ARMCX2: variants seen among roughly 807,000 people sequenced by gnomAD.
ARMCX2 encodes armadillo repeat-containing X-linked protein 2.
In ARMCX2, 2 loss-of-function variants were observed where a neutral mutation model predicts 17.0. That is an observed-to-expected ratio of 0.12 (90% CI 0.05 to 0.37). ARMCX2 has a LOEUF of 0.37. ARMCX2 is among the 10% of genes least tolerant of loss of function. ARMCX2 has a pLI of 1.00. For synonymous variants in ARMCX2, 182 were observed against 195.2 expected (o/e 0.93, Z 0.57); for missense variants, 408 against 497.7 (o/e 0.82, Z 1.72).
At position 101,657,645 on chromosome X, in the gene ARMCX2, A is replaced by C; in HGVS notation, c.-57T>G. ...CGTGGAACTGGATTGCTTAAGGTTA[A>C]GGGATGCCTGCTCGTCCGGGTGAGG... is the stretch of plus-strand genomic sequence containing the variant. On this transcript the variant is annotated 5_prime_UTR_variant, in exon 6 of 6. Transcript: ENST00000356824. 9.0e-7 allele frequency: 1 copy of C among 1,106,137 alleles called. No homozygotes were observed. Among genetic ancestry groups the C allele is most frequent in the Non-Finnish European group, 1.2e-6 (1 of 815,817 alleles). 91.2% of individuals were successfully genotyped at this position (1,106,137 alleles called of 1,213,427 possible).
intron 5 of ARMCX2, 155 bp from the exon 6 acceptor site, chrX:101,657,870 A>G: frequency 3.3e-6 from 1 of 305,505 alleles, no homozygotes; most frequent in Non-Finnish European, 5.8e-6. Context: ...TCACAGACCT[A>G]GTTTAACGTT....
rs1556072812 is a variant in ARMCX2 at position 101,657,620 on chromosome X, C to T, written c.-32G>A. ...GCTGGGGTTATTCACTGATCCAGGG[C>T]GTGGAACTGGATTGCTTAAGGTTAA... On this transcript the variant is annotated 5_prime_UTR_variant, in exon 6 of 6. Coordinates refer to ENST00000356824, the MANE Select transcript of ARMCX2 (RefSeq NM_177949.4). 2.6e-6 allele frequency: 3 copies of T among 1,174,500 alleles called. No homozygotes were observed. The highest frequency in any genetic ancestry group is 1.9e-5 in the South Asian group (1 of 52,727).
Position 101,656,683 on chromosome X carries a change from A to C in ARMCX2, c.906T>G (p.Val302=). The stretch of plus-strand genomic sequence containing the variant: ...AGCCCATCCCCAGTTCGTCTACTTC[A>C]ACTTTGCTTTTCTTGCCCTTGCCCT... The part of the protein sequence containing the change: ...GGKGKGKKSK[V]EVDELGMGFR... Residue 302 remains valine, a synonymous_variant, in exon 6 of 6, where the codon GTT becomes GTG. Coordinates refer to ENST00000356824, the MANE Select transcript of ARMCX2 (RefSeq NM_177949.4). 1 of 1,210,572 alleles carries C rather than the reference A, an allele frequency of 8.3e-7. No homozygotes were observed. The highest frequency in any genetic ancestry group is 1.8e-5 in the South Asian group (1 of 56,901).
rs1936403367 is a variant in ARMCX2 at position 101,658,081 on chromosome X, A to G, written c.-136T>C. 1 of 115,627 alleles carries G rather than the reference A, an allele frequency of 8.6e-6. No homozygotes were observed. Among genetic ancestry groups the G allele is most frequent in the Non-Finnish European group, 1.8e-5 (1 of 55,915 alleles). 9.5% of individuals were successfully genotyped at this position (115,627 alleles called of 1,213,427 possible). On this transcript the variant is annotated 5_prime_UTR_variant, in exon 5 of 6. Transcript: ENST00000356824. Reference sequence around the variant, plus strand: ...CTCATGCACATACCAACCTGGGATCAAGAGCAGTTTGCTTTTTTCCACTGT... The same window carrying G: ...CTCATGCACATACCAACCTGGGATCGAGAGCAGTTTGCTTTTTTCCACTGT...
In ARMCX2 at chrX:101,657,728, G is replaced by C; in HGVS notation, c.-127-13C>G. 1 of 588,299 alleles carries C rather than the reference G, an allele frequency of 1.7e-6. No individual in the cohort carries two copies. The highest frequency in any genetic ancestry group is 2.7e-6 in the Non-Finnish European group (1 of 371,674). The allele number at this position is 588,299 out of a possible 1,213,427, so 48.5% of individuals were successfully genotyped here. On this transcript the variant is annotated splice_polypyrimidine_tract_variant and intron_variant, in intron 5 of 5. Transcript: ENST00000356824. ...GCTTAGGCAGGGCCTAGGGGTAAAG[G>C]ATAAAAATGAGGCTTAGGGCTCTGG...
At chrX:101,658,919 C>A (rs1326946253) in intron 3 of ARMCX2, among the ~76,000 whole-genome samples, 157 bp downstream of exon 3, 2 of 111,447 alleles carry the variant, frequency 1.8e-5, no homozygotes, top group African/African-American at 6.5e-5. Flanking sequence ...CTTTCGCTCC[C>A]CAGCCCCTAG....
In ARMCX2 at chrX:101,656,738, T is replaced by C. The variant is rs1556058179; in HGVS notation, c.851A>G (p.Lys284Arg). The change falls in exon 6 of 6, where the codon AAG becomes AGG. Residue 284 changes from lysine (K) to arginine (R), a missense_variant. Physicochemically the swap from Lys to Arg is conservative, Grantham distance 26 (BLOSUM62 2). Transcript: ENST00000356824. Reference protein sequence around the residue: ...ATGAVPKGGGKGVTRSRNGGK... With the variant: ...ATGAVPKGGGRGVTRSRNGGK... ...CCCATTCCGGGACCTGGTTACACCC[T>C]TGCCTCCACCTTTGGGTACCGCTCC... 4 of 1,209,393 alleles carry C rather than the reference T, an allele frequency of 3.3e-6. No homozygotes were observed.
Position 101,656,481 on chromosome X carries a change from T to A in ARMCX2, c.1108A>T (p.Met370Leu). ...RRGRGRRPVA[M>L]QKRPFPYEID... The stretch of plus-strand genomic sequence containing the variant: ...TCATAAGGAAAGGGGCGCTTCTGCA[T>A]GGCAACGGGTCTTCTTCCCCTCCCT... Residue 370 changes from methionine to leucine, a missense_variant, in exon 6 of 6, where the codon ATG becomes TTG. Met to Leu is a conservative substitution (Grantham distance 15). Coordinates refer to ENST00000356824, the MANE Select transcript of ARMCX2 (RefSeq NM_177949.4). 1 of 1,210,937 alleles carries A rather than the reference T, an allele frequency of 8.3e-7. No individual in the cohort carries two copies. The highest frequency in any genetic ancestry group is 1.8e-5 in the South Asian group (1 of 56,876).
At position 101,656,531 on chromosome X, in the gene ARMCX2, T is replaced by C; in HGVS notation, c.1058A>G (p.Asp353Gly). ...TCTGCGCTGGGTCTCGGGCTCAGAG[T>C]CTGAATCTGACTCTGTGTCAGTCCA... is the stretch of plus-strand genomic sequence containing the variant. The part of the protein sequence containing the change: ...SGWTDTESDS[D>G]SEPETQRRGR... The change falls in exon 6 of 6, where the codon GAC (aspartate) becomes GGC (glycine). Residue 353 changes from aspartate to glycine, a missense_variant. Physicochemically the swap from Asp to Gly is moderately conservative, Grantham distance 94. This residue lies in a region of ARMCX2 where 307 missense variants were observed against 326.8 expected (regional missense o/e 0.94). Transcript: ENST00000356824. 1 of 1,209,960 alleles carries C rather than the reference T, an allele frequency of 8.3e-7. No homozygotes were observed.
rs1333391229 is a variant in ARMCX2 at position 101,656,547 on chromosome X, T to C, written c.1042A>G (p.Thr348Ala). Residue 348 changes from threonine to alanine, a missense_variant, in exon 6 of 6, where the codon ACA becomes GCA. Around this residue, in one of 2 missense-constraint regions of ARMCX2, gnomAD observed 307 missense variants for 326.8 expected, o/e 0.94. Transcript: ENST00000356824. ...GGCTCAGAGTCTGAATCTGACTCTG[T>C]GTCAGTCCACCCGGACTCCCCTTCC... is the stretch of plus-strand genomic sequence containing the variant. ...SEEGESGWTD[T>A]ESDSDSEPET... is the part of the protein sequence containing the mutation. 5 of 1,207,690 alleles carry C rather than the reference T, an allele frequency of 4.1e-6. No individual in the cohort carries two copies. In the African/African-American group the frequency reaches 5.3e-5, roughly 13 times the overall value.
At chrX:101,657,996 T>C (rs781846961) in intron 5 of ARMCX2, 77 bp downstream of exon 5, 48 of 133,736 alleles carry the variant, frequency 3.6e-4, no homozygotes, top group Non-Finnish European at 6.4e-4. Context: ...GGAAAAACAG[T>C]AGAGATCTCA....
In ARMCX2 at chrX:101,657,553, C is replaced by T. The variant is rs1936364847; in HGVS notation, c.36G>A (p.Ala12=). The change falls in exon 6 of 6, where the codon GCG becomes GCA. Residue 12 remains alanine, a synonymous_variant. Transcript: ENST00000356824. ...AGGCACCAGCCCCTATCACTATCCC[C>T]GCCGCTACACAGCCAGCATCCCGAA... ...SRVRDAGCVA[A]GIVIGAGAWY... 3.3e-6 allele frequency: 4 copies of T among 1,210,413 alleles called. No individual in the cohort carries two copies. The highest frequency in any genetic ancestry group is 1.7e-5 in the African/African-American group (1 of 57,838).
At chrX:101,658,564 G>A (rs782108699) in intron 3 of ARMCX2, 39 bp from the exon 4 acceptor site, 1 of 112,425 alleles carries the variant, frequency 8.9e-6, no homozygotes, top group African/African-American at 3.2e-5. Context: ...GTTAGACAAT[G>A]AAAGCCTGGT....
chrX:101,657,424 A>G lies in ARMCX2; in HGVS notation c.165T>C (p.Ala55=), dbSNP rs999373379. 1 of 1,210,845 alleles carries G rather than the reference A, an allele frequency of 8.3e-7. No homozygotes were observed. The highest frequency in any genetic ancestry group is 2.2e-5 in the Admixed American group (1 of 45,985). ...AVAGTGARAR[A]GLRAGFTIDL... is the part of the protein sequence containing the mutation. ...CGATTGTGAATCCGGCTCTTAGCCC[A>G]GCTCTAGCCCTGGCTCCAGTCCCAG... Residue 55 remains alanine (A), a synonymous_variant, in exon 6 of 6, where the codon GCT becomes GCC. Transcript: ENST00000356824.
rs782784093 is a variant in ARMCX2, at chrX:101,657,556, C to T, written c.33G>A (p.Ala11=). 5.8e-6 allele frequency: 7 copies of T among 1,208,762 alleles called. No individual in the cohort carries two copies. Among genetic ancestry groups the T allele is most frequent in the Admixed American group, 4.4e-5 (2 of 45,850 alleles). ...CACCAGCCCCTATCACTATCCCCGCCGCTACACAGCCAGCATCCCGAACGC... is the reference window on the plus strand; with the variant it reads ...CACCAGCCCCTATCACTATCCCCGCTGCTACACAGCCAGCATCCCGAACGC... MSRVRDAGCV[A]AGIVIGAGAW... The change falls in exon 6 of 6, where the codon GCG becomes GCA. Residue 11 remains alanine, a synonymous_variant. Coordinates refer to ENST00000356824, the MANE Select transcript of ARMCX2 (RefSeq NM_177949.4).
rs149000972 is a variant in ARMCX2 at position 101,656,488 on chromosome X, G to A, written c.1101C>T (p.Pro367=). The change falls in exon 6 of 6, where the codon CCC becomes CCT. Residue 367 remains proline (P), a synonymous_variant. Transcript: ENST00000356824. ...GAAAGGGGCGCTTCTGCATGGCAAC[G>A]GGTCTTCTTCCCCTCCCTCTGCGCT... ...ETQRRGRGRR[P]VAMQKRPFPY... is the part of the protein sequence containing the mutation. 2.2e-5 allele frequency: 26 copies of A among 1,208,075 alleles called. No individual in the cohort carries two copies. In the African/African-American group the frequency reaches 3.9e-4, roughly 18 times the overall value.
Position 101,655,778 on chromosome X carries a change from C to G in ARMCX2, c.1811G>C (p.Gly604Ala). The change falls in exon 6 of 6, where the codon GGA (glycine) becomes GCA (alanine). Residue 604 changes from glycine (G) to alanine (A), a missense_variant. Around this residue, in one of 2 missense-constraint regions of ARMCX2, gnomAD observed 101 missense variants for 170.9 expected, o/e 0.59. Transcript: ENST00000356824. ...GGCTCTAATTTTCTTAACACACACT[C>G]CAGATGTAGTGCATAAGTAAAAAAG... ...GSLFYLCTTS[G>A]VCVKKIRALA... 1 of 1,196,314 alleles carries G rather than the reference C, an allele frequency of 8.4e-7. No individual in the cohort carries two copies. Among genetic ancestry groups the G allele is most frequent in the Non-Finnish European group, 1.1e-6 (1 of 888,567 alleles).
rs782713410 is a variant in ARMCX2 at position 101,655,477 on chromosome X, G to A, written c.*213C>T. On this transcript the variant is annotated 3_prime_UTR_variant, in exon 6 of 6. Coordinates refer to ENST00000356824, the MANE Select transcript of ARMCX2 (RefSeq NM_177949.4). ...TCACAAATATGTTTTCAGTACAAGA[G>A]GTCTATTTATTTGGTATTCATAAAA... 1.0e-4 allele frequency: 30 copies of A among 290,240 alleles called. 1 individual carries two copies. The South Asian group carries it at 2.2e-3, about 21-fold the overall frequency. The allele number at this position is 290,240 out of a possible 1,213,427, so 23.9% of individuals were successfully genotyped here.
chrX:101,655,510 G>T lies in ARMCX2; in HGVS notation c.*180C>A. 1 of 338,619 alleles carries T rather than the reference G, an allele frequency of 3.0e-6. No homozygotes were observed. The highest frequency in any genetic ancestry group is 5.2e-6 in the Non-Finnish European group (1 of 193,692). 27.9% of individuals were successfully genotyped at this position (338,619 alleles called of 1,213,427 possible). A position where few individuals can be genotyped will look rare whatever the true frequency, so the allele number is the denominator to read the frequency against. Reference sequence around the variant, plus strand: ...TATTTGGTATTCATAAAATGGTTCAGCTTAAAGCTGGTGACTGTCACAGAT... The same window carrying T: ...TATTTGGTATTCATAAAATGGTTCATCTTAAAGCTGGTGACTGTCACAGAT... On this transcript the variant is annotated 3_prime_UTR_variant, in exon 6 of 6. Transcript: ENST00000356824.
Sources: allele counts gnomAD v4.1 joint callset (sites outside exome capture counted in the v4.1 genomes callset), GRCh38; gene constraint gnomAD v4.1.1; regional missense constraint gnomAD v4.1.1; transcripts MANE v1.5; gene names NCBI Gene and HGNC (gene_info 2026-07-23, HGNC 2026-07-21).